DNM1: variants seen among roughly 807,000 people sequenced by gnomAD.
DNM1 encodes the protein dynamin 1.
A neutral mutation model predicts 104.6 loss-of-function variants in DNM1; 29 were observed. The ratio of observed to expected loss-of-function variants is 0.28; its 90% CI spans 0.21 to 0.38. DNM1 has a LOEUF of 0.38. DNM1 is among the 10% of genes least tolerant of loss of function. The probability of loss-of-function intolerance (pLI) is 1.00; values close to 1 mark genes in which losing one functional copy is unlikely to be tolerated. For missense variants in DNM1, 640 were observed against 1,189.4 expected (o/e 0.54, Z 6.79); for synonymous variants, 445 against 475.8 (o/e 0.94, Z 0.84).
At chr9:128,208,069 C>G (rs1279557172) in intron 1 of DNM1, among the ~76,000 whole-genome samples, 1 of 70,314 alleles carries the variant, frequency 1.4e-5, no homozygotes, top group African/African-American at 5.4e-5. Context: ...TTTTTTTTTT[C>G]TTTTTTTGAG....
rs1353174747 is a variant in DNM1, at chr9:128,250,841, C to A, written c.2435C>A (p.Ala812Glu). 2 of 1,301,236 alleles carry A rather than the reference C, an allele frequency of 1.5e-6. No homozygotes were observed. Among genetic ancestry groups the A allele is most frequent in the Non-Finnish European group, 1.9e-6 (2 of 1,032,690 alleles). 80.6% of individuals were successfully genotyped at this position (1,301,236 alleles called of 1,614,324 possible). A position where few individuals can be genotyped will look rare whatever the true frequency, so the allele number is the denominator to read the frequency against. Reference sequence around the variant, plus strand: ...CCTGCTGGGTCCGCCCTGGGGGGGGCGCCCCCCGTGCCCTCCAGGCCGGGG... The same window carrying A: ...CCTGCTGGGTCCGCCCTGGGGGGGGAGCCCCCCGTGCCCTCCAGGCCGGGG... ...PPPAGSALGG[A>E]PPVPSRPGAS... The change falls in exon 21 of 22, where the codon GCG (alanine) becomes GAG (glutamate). Residue 812 changes from alanine to glutamate, a missense_variant. Physicochemically the swap from Ala to Glu is moderately radical, Grantham distance 107 (BLOSUM62 -1). Around this residue, in one of 7 missense-constraint regions of DNM1, gnomAD observed 129 missense variants for 224.6 expected, o/e 0.57. Transcript: ENST00000372923.
At position 128,234,051 on chromosome 9, in the gene DNM1, A is replaced by G. The variant is rs1835858649; in HGVS notation, c.1366A>G (p.Met456Val). ...GCAGTACCCGCGGCTACGGGAGGAG[A>G]TGGAGCGCATCGTGACCACCCACAT... ...LQQYPRLREE[M>V]ERIVTTHIRE... Residue 456 changes from methionine to valine, a missense_variant, in exon 11 of 22, where the codon ATG (methionine) becomes GTG (valine). This residue lies in a region of DNM1 where 92 missense variants were observed against 124.4 expected (regional missense o/e 0.74). Coordinates refer to ENST00000372923, the MANE Select transcript of DNM1 (RefSeq NM_004408.4). The G allele has an allele frequency of 6.3e-7, 1 of 1,578,000 alleles. No homozygotes were observed. Among genetic ancestry groups the G allele is most frequent in the South Asian group, 1.2e-5 (1 of 85,806 alleles).
intron 4 of DNM1, 97 bp downstream of exon 4, chr9:128,219,349 G>A: frequency 1.8e-6 from 2 of 1,093,848 alleles, no homozygotes; most frequent in Non-Finnish European, 2.7e-6. Context: ...TAAGAATAGC[G>A]GTGGGATCAG....
intron 15 of DNM1, 91 bp from the exon 16 acceptor site, chr9:128,246,303 A>G (rs1423243908): frequency 2.2e-6 from 2 of 894,820 alleles, no homozygotes; most frequent in Non-Finnish European, 3.7e-6. Flanking sequence ...GATGCTTAGA[A>G]GCCCTGGGCC....
At chr9:128,246,795 C>T in intron 16 of DNM1, 4 of 467,106 alleles carry the variant, frequency 8.6e-6, no homozygotes, top group Non-Finnish European at 1.6e-5. Flanking sequence ...TTCCATTCTC[C>T]CCTTCCCTCC....
In DNM1 at chr9:128,248,945, C is replaced by T. The variant is rs1296532865; in HGVS notation, c.2076+192C>T. Among the ~76,000 whole-genome samples the T allele has an allele frequency of 6.6e-6, 1 of 152,132 alleles. No homozygotes were observed. Among genetic ancestry groups the T allele is most frequent in the African/African-American group, 2.4e-5 (1 of 41,416 alleles). On this transcript the variant is annotated intron_variant, in intron 19 of 21. Transcript: ENST00000372923. The surrounding 1 kb of genome is among the most constrained non-coding windows in gnomAD (Gnocchi z 5.6). Reference sequence around the variant, plus strand: ...CGGTGGCTCACACCTGTAATCCCAGCACTTTGGGAGGCCAAGGCAGGTGGA... The same window carrying T: ...CGGTGGCTCACACCTGTAATCCCAGTACTTTGGGAGGCCAAGGCAGGTGGA...
Position 128,203,713 on chromosome 9 carries a change from G to T in DNM1, c.161+82G>T. The T allele has an allele frequency of 7.7e-7, 1 of 1,299,662 alleles. No individual in the cohort carries two copies. The highest frequency in any genetic ancestry group is 1.8e-5 in the South Asian group (1 of 54,440). 80.5% of individuals were successfully genotyped at this position (1,299,662 alleles called of 1,614,324 possible). A position where few individuals can be genotyped will look rare whatever the true frequency, so the allele number is the denominator to read the frequency against. Reference sequence around the variant, plus strand: ...CCGCCCGGGGCACTGACGGCGCGGCGACCTCGCAGCCCCCGACGCTGCACC... The same window carrying T: ...CCGCCCGGGGCACTGACGGCGCGGCTACCTCGCAGCCCCCGACGCTGCACC... On this transcript the variant is annotated intron_variant, in intron 1 of 21. Coordinates refer to ENST00000372923, the MANE Select transcript of DNM1 (RefSeq NM_004408.4). This position sits in a 1 kb window ranked among gnomAD's most constrained non-coding sequence, Gnocchi z 5.3.
intron 10 of DNM1, among the ~76,000 whole-genome samples, chr9:128,229,232 ATT>A (rs199839499): frequency 2.7e-5 from 4 of 149,274 alleles, no homozygotes; most frequent in Non-Finnish European, 4.5e-5. Context: ...TCTCTACAAA[ATT>A]TTTTTTTTTA....
Position 128,253,524 on chromosome 9 carries a change from G to C in DNM1, c.2535-1130G>C, listed in dbSNP as rs1829657815. The C allele has an allele frequency of 1.1e-5, 3 of 284,058 alleles. No individual in the cohort carries two copies. The South Asian group carries it at 1.7e-4, about 16-fold the overall frequency. 17.6% of individuals were successfully genotyped at this position (284,058 alleles called of 1,614,324 possible). A position where few individuals can be genotyped will look rare whatever the true frequency, so the allele number is the denominator to read the frequency against. On this transcript the variant is annotated intron_variant, in intron 21 of 21. Transcript: ENST00000372923. This position sits in a 1 kb window ranked among gnomAD's most constrained non-coding sequence, Gnocchi z 5.9. ...GGACTCTGAGGCGGCCAGAGGCCTA[G>C]GAACGTTATCCTGGGCACACCGTGC...
At chr9:128,219,304 C>T in intron 4 of DNM1, 52 bp downstream of exon 4, 1 of 1,506,098 alleles carries the variant, frequency 6.6e-7, no homozygotes, top group Non-Finnish European at 9.2e-7. Context: ...TGCAGGCTGT[C>T]TATTCTTAGT....
At position 128,248,026 on chromosome 9, in the gene DNM1, C is replaced by G; in HGVS notation, c.1905+91C>G. 1 of 1,565,938 alleles carries G rather than the reference C, an allele frequency of 6.4e-7. No individual in the cohort carries two copies. The highest frequency in any genetic ancestry group is 8.8e-7 in the Non-Finnish European group (1 of 1,136,894). ...TTCAAGCAAGGGACCTGGAGATGTT[C>G]TTTTCTAATTTCTGGATTGGGGCCA... is the stretch of plus-strand genomic sequence containing the variant. On this transcript the variant is annotated intron_variant, in intron 18 of 21. Transcript: ENST00000372923. This position sits in a 1 kb window ranked among gnomAD's most constrained non-coding sequence, Gnocchi z 5.6.
intron 15 of DNM1, among the ~76,000 whole-genome samples, chr9:128,244,308 G>C (rs1588439365): frequency 6.6e-6 from 1 of 151,844 alleles, no homozygotes; most frequent in Non-Finnish European, 1.5e-5. Flanking sequence ...TGAAAGTGTG[G>C]GGGTGCTCAT....
chr9:128,251,400 C>A, intron 21 of DNM1: 1 of 319,076 alleles, frequency 3.1e-6, no homozygotes, highest in South Asian at 2.4e-5. Context: ...ACCCTGATGT[C>A]CCCACTTCCC....
rs778276496 is a variant in DNM1, at chr9:128,220,242, C to T, written c.750C>T (p.Ala250=). 10 of 1,614,204 alleles carry T rather than the reference C, an allele frequency of 6.2e-6. No homozygotes were observed. The highest frequency in any genetic ancestry group is 3.3e-4 in the Middle Eastern group (2 of 6,062). ...KDIDGKKDIT[A]ALAAERKFFL... is the part of the protein sequence containing the mutation. ...TTGATGGCAAGAAGGACATTACCGC[C>T]GCCTTGGCTGCTGAACGAAAGTTCT... Residue 250 remains alanine, a synonymous_variant, in exon 6 of 22, where the codon GCC becomes GCT. Coordinates refer to ENST00000372923, the MANE Select transcript of DNM1 (RefSeq NM_004408.4). The surrounding 1 kb of genome is among the most constrained non-coding windows in gnomAD (Gnocchi z 5.2).
intron 21 of DNM1, chr9:128,251,407 TC>T (rs1829512585): frequency 3.2e-6 from 1 of 313,424 alleles, no homozygotes; most frequent in Admixed American, 4.3e-5. Flanking sequence ...TGTCCCCACT[TC>T]CCAGCCCTGA....
At chr9:128,250,690 G>A (rs749224442) in intron 20 of DNM1, 35 bp from the exon 21 acceptor site, 3 of 1,444,536 alleles carry the variant, frequency 2.1e-6, no homozygotes, top group Admixed American at 2.6e-5. Context: ...TGCTCATCTC[G>A]CCTCTCCTTG....
chr9:128,205,650 C>T (rs1246541890), intron 1 of DNM1, among the ~76,000 whole-genome samples: 3 of 152,202 alleles, frequency 2.0e-5, no homozygotes. Flanking sequence ...CAGCCGCTGC[C>T]CTGCCTTCCT....
In DNM1 at chr9:128,218,277, G is replaced by A. The variant is rs1166353872; in HGVS notation, c.208G>A (p.Val70Ile). 1.2e-6 allele frequency: 2 copies of A among 1,613,976 alleles called. No individual in the cohort carries two copies. Among genetic ancestry groups the A allele is most frequent in the Non-Finnish European group, 1.7e-6 (2 of 1,180,024 alleles). Residue 70 changes from valine (V) to isoleucine (I), a missense_variant, in exon 2 of 22, where the codon GTC (valine) becomes ATC (isoleucine). Physicochemically the swap from Val to Ile is conservative, Grantham distance 29 (BLOSUM62 3). This residue lies in a region of DNM1 where 172 missense variants were observed against 335.3 expected (regional missense o/e 0.51). Coordinates refer to ENST00000372923, the MANE Select transcript of DNM1 (RefSeq NM_004408.4). This position sits in a 1 kb window ranked among gnomAD's most constrained non-coding sequence, Gnocchi z 4.8. The stretch of plus-strand genomic sequence containing the variant: ...TGGCATTGTCACCCGACGTCCCCTG[G>A]TCTTGCAGCTGGTCAATGCAACCAC... ...GSGIVTRRPLVLQLVNATTEY... is the reference protein window; with the variant it reads ...GSGIVTRRPLILQLVNATTEY...
Position 128,238,351 on chromosome 9 carries a change from A to G in DNM1, c.1423-1094A>G, listed in dbSNP as rs569535319. ...GTGATTCCCCTGCCTCAGCCTCCCAAGTAGCTGGGATTACAGGCATGTGCC... is the reference window on the plus strand; with the variant it reads ...GTGATTCCCCTGCCTCAGCCTCCCAGGTAGCTGGGATTACAGGCATGTGCC... On this transcript the variant is annotated intron_variant, in intron 11 of 21. Coordinates refer to ENST00000372923, the MANE Select transcript of DNM1 (RefSeq NM_004408.4). 1.2e-4 allele frequency among the ~76,000 whole-genome samples: 19 copies of G among 152,266 alleles called. No individual in the cohort carries two copies. In the South Asian group the frequency reaches 3.9e-3, roughly 32 times the overall value.
Sources: allele counts gnomAD v4.1 joint callset (sites outside exome capture counted in the v4.1 genomes callset), GRCh38; gene constraint gnomAD v4.1.1; regional missense constraint gnomAD v4.1.1; non-coding constraint Gnocchi (gnomAD v3.1); transcripts MANE v1.5; gene names NCBI Gene and HGNC (gene_info 2026-07-23, HGNC 2026-07-21).